RPS15A: variants seen among roughly 807,000 people sequenced by gnomAD.
RPS15A encodes the protein ribosomal protein S15a.
For missense variants in RPS15A, 62 were observed against 163.4 expected, an observed-to-expected ratio of 0.38 and a Z score of 3.38; for synonymous variants, 55 against 58.5, an observed-to-expected ratio of 0.94 and a Z score of 0.27.
rs1163208051 is a variant in RPS15A, at chr16:18,783,828, C to G, written c.300-726G>C. ...ACTTTTACGGATGAAGAAATCAAGG[C>G]TGTGACTTGCCCAAGATCTCATGGC... On this transcript the variant is annotated intron_variant, in intron 4 of 4. Transcript: ENST00000322989. 5 of 404,540 alleles carry G rather than the reference C, an allele frequency of 1.2e-5. No individual in the cohort carries two copies. The East Asian group carries it at 3.6e-4, about 29-fold the overall frequency. The allele number at this position is 404,540 out of a possible 1,614,324, so 25.1% of individuals were successfully genotyped here. A position where few individuals can be genotyped will look rare whatever the true frequency, so the allele number is the denominator to read the frequency against.
In RPS15A at chr16:18,782,894, G is replaced by T. The variant is rs1401691601; in HGVS notation, c.*115C>A. The T allele has an allele frequency of 1.6e-6, 1 of 641,864 alleles. No individual in the cohort carries two copies. The highest frequency in any genetic ancestry group is 2.7e-6 in the Non-Finnish European group (1 of 365,928). 39.8% of individuals were successfully genotyped at this position (641,864 alleles called of 1,614,324 possible). A position where few individuals can be genotyped will look rare whatever the true frequency, so the allele number is the denominator to read the frequency against. ...GGAATCGCATTCACCGATAAACGAA[G>T]CAACTGCATGCTGCCGCAGAAGCTG... On this transcript the variant is annotated 3_prime_UTR_variant, in exon 5 of 5. Transcript: ENST00000322989.
chr16:18,788,775 C>A, intron 2 of RPS15A: 1 of 544,686 alleles, frequency 1.8e-6, no homozygotes, highest in Middle Eastern at 5.1e-4. Flanking sequence ...CTCCCAAACA[C>A]CTAGCAGAGC....
rs184339785 is a variant in RPS15A, at chr16:18,790,260, G to A, written c.-22C>T. 16 of 152,476 alleles carry A rather than the reference G, an allele frequency of 1.0e-4. No individual in the cohort carries two copies. The highest frequency in any genetic ancestry group is 3.1e-4 in the African/African-American group (13 of 41,564). The allele number at this position is 152,476 out of a possible 1,614,324, so 9.4% of individuals were successfully genotyped here. A position where few individuals can be genotyped will look rare whatever the true frequency, so the allele number is the denominator to read the frequency against. ...AGACCGAACCTTAGATTGCAGGATG[G>A]CGCCGATGGCAGACGGATGAAATTG... On this transcript the variant is annotated 5_prime_UTR_variant, in exon 1 of 5. Transcript: ENST00000322989.
rs1903988345 is a variant in RPS15A at position 18,782,946 on chromosome 16, AC to A, written c.*62del. 2 of 1,048,106 alleles carry A rather than the reference AC, an allele frequency of 1.9e-6. No homozygotes were observed. Among genetic ancestry groups the A allele is most frequent in the Non-Finnish European group, 2.9e-6 (2 of 693,844 alleles). 64.9% of individuals were successfully genotyped at this position (1,048,106 alleles called of 1,614,324 possible). A position where few individuals can be genotyped will look rare whatever the true frequency, so the allele number is the denominator to read the frequency against. On this transcript the variant is annotated 3_prime_UTR_variant, in exon 5 of 5. Transcript: ENST00000322989. ...GGCTACACTGCTGTAAAGGCTCAAA[AC>A]GACCAAGTGGAAGCACCAGAGTCCA...
chr16:18,782,793 G>T lies in RPS15A; in HGVS notation c.*216C>A, dbSNP rs1903985861. Reference sequence around the variant, plus strand: ...TAGTGTCAAATACCTGGTTTTGGCAGACAGCAGGGGTGACTGTTTCTTAGG... The same window carrying T: ...TAGTGTCAAATACCTGGTTTTGGCATACAGCAGGGGTGACTGTTTCTTAGG... On this transcript the variant is annotated 3_prime_UTR_variant, in exon 5 of 5. Coordinates refer to ENST00000322989, the MANE Select transcript of RPS15A (RefSeq NM_001019.5). 2.4e-6 allele frequency: 1 copy of T among 409,372 alleles called. No individual in the cohort carries two copies. The highest frequency in any genetic ancestry group is 5.9e-5 in the South Asian group (1 of 17,000). The allele number at this position is 409,372 out of a possible 1,614,324, so 25.4% of individuals were successfully genotyped here.
intron 4 of RPS15A, chr16:18,783,554 T>C (rs1425686001): frequency 7.2e-6 from 3 of 416,802 alleles, no homozygotes; most frequent in Admixed American, 2.8e-5. Context: ...TGGGGATCAC[T>C]GTAACAAGCA....
Position 18,787,843 on chromosome 16 carries a change from C to G in RPS15A, c.213+220G>C, listed in dbSNP as rs371421119. ...TCACCCCCCATCTCTCCTGAGACAGCTTATACCCCATAAAAACACTAGGTC... is the reference window on the plus strand; with the variant it reads ...TCACCCCCCATCTCTCCTGAGACAGGTTATACCCCATAAAAACACTAGGTC... On this transcript the variant is annotated intron_variant, in intron 3 of 4. Transcript: ENST00000322989. Among the ~76,000 whole-genome samples the G allele has an allele frequency of 1.2e-4, 18 of 152,290 alleles. No individual in the cohort carries two copies. In the East Asian group the frequency reaches 1.9e-3, roughly 16 times the overall value.
chr16:18,788,935 A>G (rs1304085682), intron 2 of RPS15A, 46 bp downstream of exon 2: 2 of 1,580,390 alleles, frequency 1.3e-6, no homozygotes, highest in Non-Finnish European at 1.7e-6. Flanking sequence ...CTGATTTCTT[A>G]GAGAGTCTCA....
At position 18,783,217 on chromosome 16, in the gene RPS15A, T is replaced by C. The variant is rs565403342; in HGVS notation, c.300-115A>G. On this transcript the variant is annotated intron_variant, in intron 4 of 4. Transcript: ENST00000322989. ...TAAGGGCGCTTTCCTGTGGGGCACA[T>C]AGGAACTGACAGTGCCTACATGAGC... 3.4e-5 allele frequency: 23 copies of C among 668,410 alleles called. No homozygotes were observed. The Middle Eastern group carries it at 7.5e-4, about 22-fold the overall frequency. 41.4% of individuals were successfully genotyped at this position (668,410 alleles called of 1,614,324 possible). A position where few individuals can be genotyped will look rare whatever the true frequency, so the allele number is the denominator to read the frequency against.
At chr16:18,784,695 T>C in intron 4 of RPS15A, 43 bp downstream of exon 4, 1 of 1,440,750 alleles carries the variant, frequency 6.9e-7, no homozygotes, top group South Asian at 1.2e-5. Flanking sequence ...ACCACAGAAA[T>C]TCTTAGCATT....
intron 3 of RPS15A, chr16:18,786,031 C>A (rs1596936049): frequency 6.5e-6 from 1 of 153,114 alleles, no homozygotes; most frequent in African/African-American, 2.4e-5. Flanking sequence ...CCATGTCTTG[C>A]ATGAAAGCGA....
intron 3 of RPS15A, chr16:18,786,683 G>A (rs1246032291): frequency 6.6e-6 from 1 of 152,022 alleles, no homozygotes; most frequent in Non-Finnish European, 1.5e-5. Flanking sequence ...TCAGGAGGCT[G>A]AGGTGGGAGG....
Position 18,781,310 on chromosome 16 carries a change from A to C in RPS15A, c.*1699T>G, listed in dbSNP as rs1170332374. 1 of 148,788 alleles carries C rather than the reference A, an allele frequency of 6.7e-6. No individual in the cohort carries two copies. Among genetic ancestry groups the C allele is most frequent in the Non-Finnish European group, 1.5e-5 (1 of 66,830 alleles). 9.2% of individuals were successfully genotyped at this position (148,788 alleles called of 1,614,324 possible). ...ACAAATGGAGCCATTTTCATATCCT[A>C]TTTTATTTTTGAAGTCAGTGTCCAG... On this transcript the variant is annotated 3_prime_UTR_variant, in exon 5 of 5. Coordinates refer to ENST00000322989, the MANE Select transcript of RPS15A (RefSeq NM_001019.5).
In RPS15A at chr16:18,788,081, G is replaced by A. The variant is rs371039617; in HGVS notation, c.195C>T (p.Leu65=). 1.9e-6 allele frequency: 3 copies of A among 1,610,570 alleles called. No homozygotes were observed. Among genetic ancestry groups the A allele is most frequent in the Middle Eastern group, 1.6e-4 (1 of 6,078 alleles). ...TTCTTACCTTGTTTAGCCTGCCTGT[G>A]AGGTTCACAACAATTTTCCCAGCTC... The part of the protein sequence containing the change: ...DHRAGKIVVN[L]TGRLNKCGVI... Residue 65 remains leucine (L), a synonymous_variant, in exon 3 of 5, where the codon CTC becomes CTT. Coordinates refer to ENST00000322989, the MANE Select transcript of RPS15A (RefSeq NM_001019.5).
rs993414186 is a variant in RPS15A, at chr16:18,782,317, A to T, written c.*692T>A. On this transcript the variant is annotated 3_prime_UTR_variant, in exon 5 of 5. Coordinates refer to ENST00000322989, the MANE Select transcript of RPS15A (RefSeq NM_001019.5). ...TTAAAAAAAAAAAAAAAAAAAAAAA[A>T]ATTCCTAGCAAGTATTTATTACAGC... 1 of 139,400 alleles carries T rather than the reference A, an allele frequency of 7.2e-6. No homozygotes were observed. The highest frequency in any genetic ancestry group is 1.6e-5 in the Non-Finnish European group (1 of 62,222). The allele number at this position is 139,400 out of a possible 1,614,324, so 8.6% of individuals were successfully genotyped here. A position where few individuals can be genotyped will look rare whatever the true frequency, so the allele number is the denominator to read the frequency against.
rs1169518411 is a variant in RPS15A, at chr16:18,790,201, C to T, written c.-6+43G>A. 2.0e-5 allele frequency: 3 copies of T among 152,690 alleles called. No homozygotes were observed. The East Asian group carries it at 5.8e-4, about 29-fold the overall frequency. The allele number at this position is 152,690 out of a possible 1,614,324, so 9.5% of individuals were successfully genotyped here. A position where few individuals can be genotyped will look rare whatever the true frequency, so the allele number is the denominator to read the frequency against. On this transcript the variant is annotated intron_variant, in intron 1 of 4. Coordinates refer to ENST00000322989, the MANE Select transcript of RPS15A (RefSeq NM_001019.5). Reference sequence around the variant, plus strand: ...GAACCGGCAAGGCCAGGATCCTCGGCCAAGGTGGGGACCAGCCTCCTCGCA... The same window carrying T: ...GAACCGGCAAGGCCAGGATCCTCGGTCAAGGTGGGGACCAGCCTCCTCGCA...
chr16:18,783,975 GA>G (rs1174861444), intron 4 of RPS15A: 1 of 269,690 alleles, frequency 3.7e-6, no homozygotes, highest in Non-Finnish European at 7.5e-6. Context: ...GGATCACAGG[GA>G]ACTATCTGCA....
chr16:18,786,327 G>T, intron 3 of RPS15A: 1 of 174,762 alleles, frequency 5.7e-6, no homozygotes, highest in South Asian at 8.5e-5. Context: ...TCGTGCCACT[G>T]CACTCCAACC....
rs1187143932 is a variant in RPS15A at position 18,782,722 on chromosome 16, C to T, written c.*287G>A. ...GAGCAATAGAGTCAGACTCTGTCTC[C>T]AAAAAAGAAAAAAAAAAAAAAAAAC... On this transcript the variant is annotated 3_prime_UTR_variant, in exon 5 of 5. Coordinates refer to ENST00000322989, the MANE Select transcript of RPS15A (RefSeq NM_001019.5). 1.1e-5 allele frequency: 2 copies of T among 181,662 alleles called. No individual in the cohort carries two copies. The highest frequency in any genetic ancestry group is 2.0e-5 in the Non-Finnish European group (2 of 98,040). The allele number at this position is 181,662 out of a possible 1,614,324, so 11.3% of individuals were successfully genotyped here.
Sources: allele counts gnomAD v4.1 joint callset (sites outside exome capture counted in the v4.1 genomes callset), GRCh38; gene constraint gnomAD v4.1.1; transcripts MANE v1.5; gene names NCBI Gene and HGNC (gene_info 2026-07-23, HGNC 2026-07-21).